SYT13: variants seen among roughly 807,000 people sequenced by gnomAD.
SYT13 encodes synaptotagmin-13.
SYT13 carries 21 observed loss-of-function variants against 38.6 expected under a neutral mutation model. That is an observed-to-expected ratio of 0.54 (90% CI 0.39 to 0.78). The LOEUF is 0.78. Ranked by LOEUF, SYT13 falls within the 30% of genes least tolerant of loss-of-function variation. The probability of loss-of-function intolerance (pLI) is 0.00; values close to 1 mark genes in which losing one functional copy is unlikely to be tolerated. For missense variants in SYT13, 495 were observed against 548.7 expected (o/e 0.90, Z 0.98); for synonymous variants, 241 against 237.6 (o/e 1.01, Z -0.13).
chr11:45,282,558 G>C (rs960492491), intron 1 of SYT13, among the ~76,000 whole-genome samples: 5 of 152,238 alleles, frequency 3.3e-5, no homozygotes, highest in Admixed American at 6.5e-5. Flanking sequence ...AAATAACAGA[G>C]TCTAGCAGGA....
rs1222818885 is a variant in SYT13 at position 45,248,257 on chromosome 11, T to C, written c.847-1745A>G. The stretch of plus-strand genomic sequence containing the variant: ...ACACTGTGTGTGAAGTGCAATTACA[T>C]TGTCCATCCCACTAGAAAGTAAGCT... On this transcript the variant is annotated intron_variant, in intron 4 of 5. Coordinates refer to ENST00000020926, the MANE Select transcript of SYT13 (RefSeq NM_020826.3). 5.3e-5 allele frequency among the ~76,000 whole-genome samples: 8 copies of C among 152,188 alleles called. No homozygotes were observed. In the East Asian group the frequency reaches 1.2e-3, roughly 22 times the overall value.
At chr11:45,250,537 G>A (rs562178750) in intron 4 of SYT13, among the ~76,000 whole-genome samples, 47 of 152,288 alleles carry the variant, frequency 3.1e-4, no homozygotes, top group Non-Finnish European at 6.6e-4. Context: ...GCCCAGCAGG[G>A]GAGTCTCTGC....
chr11:45,263,495 A>G (rs1381207626), intron 1 of SYT13, among the ~76,000 whole-genome samples: 6 of 152,182 alleles, frequency 3.9e-5, no homozygotes, highest in Non-Finnish European at 7.3e-5. Flanking sequence ...CCAGCTGAAA[A>G]AGAGGTCATC....
chr11:45,243,803 G>C lies in SYT13; in HGVS notation c.*249C>G, dbSNP rs1854581216. 6.2e-6 allele frequency: 3 copies of C among 485,986 alleles called. No homozygotes were observed. The highest frequency in any genetic ancestry group is 1.1e-5 in the Non-Finnish European group (3 of 275,958). 30.1% of individuals were successfully genotyped at this position (485,986 alleles called of 1,614,324 possible). A position where few individuals can be genotyped will look rare whatever the true frequency, so the allele number is the denominator to read the frequency against. On this transcript the variant is annotated 3_prime_UTR_variant, in exon 6 of 6. Transcript: ENST00000020926. ...CACCTATAAAACAGGCATAGGAACT[G>C]TATTTAATAAGCACCTCCTTCAATA... is the stretch of plus-strand genomic sequence containing the variant.
At chr11:45,271,072 C>A (rs1447344912) in intron 1 of SYT13, among the ~76,000 whole-genome samples, 1 of 152,114 alleles carries the variant, frequency 6.6e-6, no homozygotes, top group Non-Finnish European at 1.5e-5. Context: ...AGGGGAGATA[C>A]TAGGTGCTTA....
rs567923852 is a variant in SYT13 at position 45,252,046 on chromosome 11, G to A, written c.846+375C>T. Among the ~76,000 whole-genome samples, 27 of 152,292 alleles carry A rather than the reference G, an allele frequency of 1.8e-4. No homozygotes were observed. The South Asian group carries it at 4.8e-3, about 27-fold the overall frequency. ...ACCCTTCATGCTCACCTACACAAAC[G>A]GAGGAAGGTAGAGTGTCCTGCAGTG... is the stretch of plus-strand genomic sequence containing the variant. On this transcript the variant is annotated intron_variant, in intron 4 of 5. Transcript: ENST00000020926. This position sits in a 1 kb window ranked among gnomAD's most constrained non-coding sequence, Gnocchi z 4.3.
chr11:45,281,129 G>A (rs1051878803), intron 1 of SYT13, among the ~76,000 whole-genome samples: 3 of 152,030 alleles, frequency 2.0e-5, no homozygotes, highest in African/African-American at 7.3e-5. Flanking sequence ...CCAGGAGGCA[G>A]AGGTTGCAGT....
intron 1 of SYT13, among the ~76,000 whole-genome samples, chr11:45,263,165 C>T (rs1408849950): frequency 6.6e-6 from 1 of 152,192 alleles, no homozygotes; most frequent in Non-Finnish European, 1.5e-5. Context: ...GGGGGTGGAA[C>T]CTGAACCTTC....
intron 5 of SYT13, 51 bp from the exon 6 acceptor site, chr11:45,244,407 GT>G (rs1309440501): frequency 6.4e-7 from 1 of 1,569,400 alleles, no homozygotes; most frequent in Non-Finnish European, 8.7e-7. Context: ...ACAAGAGTGA[GT>G]TTCTGGGATC....
At chr11:45,285,885 C>T (rs1744677896) in intron 1 of SYT13, 140 bp downstream of exon 1, 2 of 1,128,588 alleles carry the variant, frequency 1.8e-6, no homozygotes, top group African/African-American at 3.1e-5. Context: ...TTGACCTGTC[C>T]TCCAACGCGT....
chr11:45,246,016 T>C (rs1343933681), intron 5 of SYT13, among the ~76,000 whole-genome samples: 1 of 152,184 alleles, frequency 6.6e-6, no homozygotes, highest in Non-Finnish European at 1.5e-5. Context: ...GGGCCAAGTT[T>C]TCCCGACAGC....
At position 45,252,586 on chromosome 11, in the gene SYT13, G is replaced by C. The variant is rs1328233084; in HGVS notation, c.681C>G (p.Leu227=). The change falls in exon 4 of 6, where the codon CTC becomes CTG. Residue 227 remains leucine, a synonymous_variant. Transcript: ENST00000020926. The surrounding 1 kb of genome is among the most constrained non-coding windows in gnomAD (Gnocchi z 4.3). ...TGGGGAGCTCCTCCTCCGCCAGGGGGAGCACCAGGCCCTCCTCCCAGGTGG... is the reference window on the plus strand; with the variant it reads ...TGGGGAGCTCCTCCTCCGCCAGGGGCAGCACCAGGCCCTCCTCCCAGGTGG... The part of the protein sequence containing the change: ...LHTTWEEGLV[L]PLAEEELPTA... The C allele has an allele frequency of 6.2e-7, 1 of 1,614,024 alleles. No individual in the cohort carries two copies.
chr11:45,245,485 C>G (rs1854603080), intron 5 of SYT13, among the ~76,000 whole-genome samples: 1 of 152,312 alleles, frequency 6.6e-6, no homozygotes, highest in South Asian at 2.1e-4. Context: ...GACTCAGGAA[C>G]CTGCCAGCAA....
Position 45,254,372 on chromosome 11 carries a change from A to G in SYT13, c.442T>C (p.Trp148Arg). 6.2e-7 allele frequency: 1 copy of G among 1,613,642 alleles called. No individual in the cohort carries two copies. The highest frequency in any genetic ancestry group is 8.5e-7 in the Non-Finnish European group (1 of 1,179,820). ...VVEDVCVMET[W>R]NPEKAASWNQ... ...CAACTGGCAGCCTTCTCTGGGTTCC[A>G]GGTCTCCATGACACAGACATCCTCC... Residue 148 changes from tryptophan to arginine, a missense_variant, in exon 3 of 6, where the codon TGG becomes CGG. Coordinates refer to ENST00000020926, the MANE Select transcript of SYT13 (RefSeq NM_020826.3).
chr11:45,246,959 A>G (rs1316386810), intron 4 of SYT13, among the ~76,000 whole-genome samples: 1 of 152,124 alleles, frequency 6.6e-6, no homozygotes, highest in Non-Finnish European at 1.5e-5. Context: ...GAGAATTGTA[A>G]TTCATTACTA....
chr11:45,242,085 T>C lies in SYT13; in HGVS notation c.*1967A>G, dbSNP rs1250510458. ...TTCTCAGGGAGAGGCCAAGTATGACTTGACTTGTTGAAGGAATGAAGCCCT... is the reference window on the plus strand; with the variant it reads ...TTCTCAGGGAGAGGCCAAGTATGACCTGACTTGTTGAAGGAATGAAGCCCT... On this transcript the variant is annotated 3_prime_UTR_variant, in exon 6 of 6. Coordinates refer to ENST00000020926, the MANE Select transcript of SYT13 (RefSeq NM_020826.3). The C allele has an allele frequency of 1.3e-5, 2 of 152,208 alleles. No homozygotes were observed. The highest frequency in any genetic ancestry group is 2.4e-5 in the African/African-American group (1 of 41,442). The allele number at this position is 152,208 out of a possible 1,614,324, so 9.4% of individuals were successfully genotyped here.
In SYT13 at chr11:45,244,229, C is replaced by G. The variant is rs143747628; in HGVS notation, c.1104G>C (p.Leu368=). The change falls in exon 6 of 6, where the codon CTG becomes CTC. Residue 368 remains leucine, a synonymous_variant. Coordinates refer to ENST00000020926, the MANE Select transcript of SYT13 (RefSeq NM_020826.3). ...EMIMFELPDD[L]LQASSVELEV... is the part of the protein sequence containing the mutation. ...CCAGCTCCACACTGGAGGCCTGCAG[C>G]AGGTCGTCAGGCAGCTCAAACATGA... 15 of 1,614,060 alleles carry G rather than the reference C, an allele frequency of 9.3e-6. No individual in the cohort carries two copies. In the African/African-American group the frequency reaches 1.9e-4, roughly 20 times the overall value.
intron 1 of SYT13, among the ~76,000 whole-genome samples, chr11:45,267,591 T>C (rs889235842): frequency 2.0e-5 from 3 of 152,158 alleles, no homozygotes; most frequent in Admixed American, 6.5e-5. Context: ...CTCTCTCATG[T>C]TAAGCTGCTC....
intron 2 of SYT13, 144 bp downstream of exon 2, chr11:45,255,522 G>GCT: frequency 1.4e-6 from 1 of 721,082 alleles, no homozygotes; most frequent in South Asian, 1.9e-5. Context: ...CCATAATTCT[G>GCT]AGGCCCAGTG....
Sources: gnomAD v4.1 joint callset for allele counts (sites outside exome capture counted in the v4.1 genomes callset) on GRCh38, gnomAD v4.1.1 for gene constraint, Gnocchi (gnomAD v3.1) non-coding constraint, MANE v1.5 for transcripts, NCBI Gene and HGNC (gene_info 2026-07-23, HGNC 2026-07-21) for gene names.